CPEB2: variants seen among roughly 807,000 people sequenced by gnomAD.
CPEB2 encodes cytoplasmic polyadenylation element-binding protein 2.
CPEB2 carries 56 observed loss-of-function variants against 93.6 expected under a neutral mutation model. The ratio of observed to expected loss-of-function variants is 0.60; its 90% CI spans 0.48 to 0.75. The LOEUF is 0.75. Among genes scored for constraint, CPEB2 ranks in the 30% least tolerant of loss-of-function variants. The pLI is 0.00. For missense variants in CPEB2, 1,579 were observed against 1,395.1 expected (o/e 1.13, Z -2.10); for synonymous variants, 764 against 586.3 (o/e 1.30, Z -4.38).
intron 7 of CPEB2, among the ~76,000 whole-genome samples, chr4:15,053,892 G>A (rs1410454924): frequency 6.6e-6 from 1 of 151,862 alleles, no homozygotes; most frequent in African/African-American, 2.4e-5. Flanking sequence ...AAATTCACAT[G>A]GAATTGAGTA....
At chr4:15,032,567 T>TTA (rs1553855768) in intron 4 of CPEB2, among the ~76,000 whole-genome samples, 3 of 151,826 alleles carry the variant, frequency 2.0e-5, no homozygotes, top group Admixed American at 2.0e-4. Flanking sequence ...TAATTTTTTT[T>TTA]ATATTTTTAA....
chr4:15,011,662 A>C (rs979338652), intron 3 of CPEB2, among the ~76,000 whole-genome samples: 4 of 152,140 alleles, frequency 2.6e-5, no homozygotes, highest in Non-Finnish European at 5.9e-5. Context: ...TTTTCAGTTT[A>C]ATGTTAAGGT....
chr4:15,053,527 T>C (rs1326217981), intron 7 of CPEB2, among the ~76,000 whole-genome samples: 1 of 152,214 alleles, frequency 6.6e-6, no homozygotes, highest in Non-Finnish European at 1.5e-5. Context: ...CACTCATTCT[T>C]ACATTTTAGG....
chr4:15,031,311 A>G (rs1171727976), intron 4 of CPEB2, among the ~76,000 whole-genome samples: 2 of 151,912 alleles, frequency 1.3e-5, no homozygotes, highest in Non-Finnish European at 2.9e-5. Context: ...AAATAACAGT[A>G]ATTTATTCAT....
chr4:15,033,188 C>A lies in CPEB2; in HGVS notation c.2153C>A (p.Thr718Asn). The change falls in exon 5 of 12, where the codon ACT becomes AAT. Residue 718 changes from threonine to asparagine, a missense_variant. Thr to Asn is a moderately conservative substitution (Grantham distance 65, BLOSUM62 0). This residue lies in a region of CPEB2 where 1,411 missense variants were observed against 1,056.0 expected (regional missense o/e 1.34). Transcript: ENST00000538197. ...KGRLSYPHPG[T>N]DNLLMLNARS... ...CGATTGAGCTATCCACATCCAGGAACTGACAATCTGTTGATGTTAAATGGT... is the reference window on the plus strand; with the variant it reads ...CGATTGAGCTATCCACATCCAGGAAATGACAATCTGTTGATGTTAAATGGT... The A allele has an allele frequency of 6.2e-7, 1 of 1,601,774 alleles. No homozygotes were observed. Among genetic ancestry groups the A allele is most frequent in the Non-Finnish European group, 8.5e-7 (1 of 1,169,862 alleles).
At chr4:15,053,635 T>G (rs1363889545) in intron 7 of CPEB2, among the ~76,000 whole-genome samples, 1 of 152,202 alleles carries the variant, frequency 6.6e-6, no homozygotes, top group Non-Finnish European at 1.5e-5. Flanking sequence ...ACATAGCAAT[T>G]GGATGTAACC....
intron 3 of CPEB2, among the ~76,000 whole-genome samples, chr4:15,010,803 A>G (rs1723370199): frequency 6.6e-6 from 1 of 152,174 alleles, no homozygotes; most frequent in Non-Finnish European, 1.5e-5. Flanking sequence ...GGCCTAGAAT[A>G]TAATACAAAA....
chr4:15,017,040 C>A, intron 3 of CPEB2, 148 bp from the exon 4 acceptor site: 1 of 582,002 alleles, frequency 1.7e-6, no homozygotes, highest in East Asian at 3.0e-5. Flanking sequence ...TTCATGAGAT[C>A]TTTAGTTATT....
chr4:15,045,181 T>C (rs990891662), intron 6 of CPEB2, among the ~76,000 whole-genome samples: 4 of 152,150 alleles, frequency 2.6e-5, no homozygotes, highest in Admixed American at 2.0e-4. Context: ...ACTATCTCAT[T>C]CTTTGTAAAT....
At chr4:15,049,016 G>A (rs944028797) in intron 6 of CPEB2, among the ~76,000 whole-genome samples, 1 of 151,570 alleles carries the variant, frequency 6.6e-6, no homozygotes, top group African/African-American at 2.4e-5. Context: ...ATGGCTTCTT[G>A]AAAAAAAGCA....
chr4:15,056,970 G>A (rs1048599832), intron 8 of CPEB2, among the ~76,000 whole-genome samples: 1 of 151,734 alleles, frequency 6.6e-6, no homozygotes, highest in Non-Finnish European at 1.5e-5. Flanking sequence ...ATTGAATTTA[G>A]AGTATTACTT....
chr4:15,041,350 A>G (rs1350138554), intron 6 of CPEB2, among the ~76,000 whole-genome samples: 1 of 152,108 alleles, frequency 6.6e-6, no homozygotes, highest in East Asian at 1.9e-4. Flanking sequence ...TTTGACCTCT[A>G]AAAATCTCCC....
Position 15,003,708 on chromosome 4 carries a change from GGACCTTCCACACCCGGGC to G in CPEB2, c.1037_1054del (p.Asp346_Gly351del). On this transcript the variant is annotated inframe_deletion, in exon 1 of 12. Transcript: ENST00000538197. ...GCGCCTTCAGCAGCCTGCAGAGCCC[GGACCTTCCACACCCGGGC>G]GGCGGCGGCGGCGGCGGGGGCGGGG... is the stretch of plus-strand genomic sequence containing the variant. The G allele has an allele frequency of 5.0e-6, 7 of 1,392,272 alleles. No homozygotes were observed. In the Admixed American group the frequency reaches 2.0e-4, roughly 40 times the overall value. The allele number at this position is 1,392,272 out of a possible 1,614,324, so 86.2% of individuals were successfully genotyped here.
chr4:15,039,455 T>C (rs1426183960), intron 5 of CPEB2, among the ~76,000 whole-genome samples: 1 of 152,172 alleles, frequency 6.6e-6, no homozygotes, highest in Non-Finnish European at 1.5e-5. Context: ...TTATTCAATA[T>C]TGAATTTTTT....
intron 6 of CPEB2, among the ~76,000 whole-genome samples, chr4:15,042,143 A>G (rs1015069013): frequency 3.9e-5 from 6 of 152,206 alleles, no homozygotes; most frequent in African/African-American, 1.2e-4. Context: ...TTTTGAAACT[A>G]TAGAGCAATT....
intron 2 of CPEB2, 72 bp from the exon 3 acceptor site, chr4:15,008,266 T>G: frequency 1.9e-6 from 2 of 1,047,330 alleles, no homozygotes; most frequent in Non-Finnish European, 3.0e-6. Context: ...TTTGTTTTCT[T>G]TCTTTCTTTC....
Position 15,004,210 on chromosome 4 carries a change from C to G in CPEB2, c.1537C>G (p.Pro513Ala). 2 of 1,493,682 alleles carry G rather than the reference C, an allele frequency of 1.3e-6. No individual in the cohort carries two copies. The highest frequency in any genetic ancestry group is 1.8e-6 in the Non-Finnish European group (2 of 1,128,112). 92.5% of individuals were successfully genotyped at this position (1,493,682 alleles called of 1,614,324 possible). A position where few individuals can be genotyped will look rare whatever the true frequency, so the allele number is the denominator to read the frequency against. ...PAMNIPQQQPPPPAAPQQPQS... is the reference protein window; with the variant it reads ...PAMNIPQQQPAPPAAPQQPQS... ...CATGAATATACCTCAACAGCAGCCC[C>G]CGCCGCCCGCGGCGCCGCAGCAGCC... is the stretch of plus-strand genomic sequence containing the variant. The change falls in exon 1 of 12, where the codon CCG (proline) becomes GCG (alanine). Residue 513 changes from proline (P) to alanine (A), a missense_variant. Physicochemically the swap from Pro to Ala is conservative, Grantham distance 27 (BLOSUM62 -1). Coordinates refer to ENST00000538197, the MANE Select transcript of CPEB2 (RefSeq NM_001177382.2).
rs1253479777 is a variant in CPEB2, at chr4:15,003,662, C to T, written c.989C>T (p.Pro330Leu). ...CTCAACAGTCCCAGTAACCTCCTGC[C>T]CGGAGGTGCGCTTGGCGCGGGCGCC... ...PLLNSPSNLL[P>L]GGALGAGAFS... is the part of the protein sequence containing the mutation. The change falls in exon 1 of 12, where the codon CCC becomes CTC. Residue 330 changes from proline (P) to leucine (L), a missense_variant. Coordinates refer to ENST00000538197, the MANE Select transcript of CPEB2 (RefSeq NM_001177382.2). 3.4e-6 allele frequency: 5 copies of T among 1,471,190 alleles called. No individual in the cohort carries two copies. Among genetic ancestry groups the T allele is most frequent in the East Asian group, 3.0e-5 (1 of 33,394 alleles). 91.1% of individuals were successfully genotyped at this position (1,471,190 alleles called of 1,614,324 possible).
intron 4 of CPEB2, among the ~76,000 whole-genome samples, chr4:15,030,350 T>C (rs1725962254): frequency 6.6e-6 from 1 of 152,122 alleles, no homozygotes; most frequent in Non-Finnish European, 1.5e-5. Flanking sequence ...CTGCCAGTGC[T>C]ACCTGCCAGT....
Sources: gnomAD v4.1 joint callset for allele counts (sites outside exome capture counted in the v4.1 genomes callset) on GRCh38, gnomAD v4.1.1 for gene constraint, gnomAD v4.1.1 regional missense constraint, MANE v1.5 for transcripts, NCBI Gene and HGNC (gene_info 2026-07-23, HGNC 2026-07-21) for gene names.